SYNPR: variants seen among roughly 807,000 people sequenced by gnomAD.
The protein encoded by SYNPR is synaptoporin.
In SYNPR, 23 loss-of-function variants were observed where a neutral mutation model predicts 32.9. The observed-to-expected ratio is 0.70, with a 90% CI of 0.50 to 0.99. The LOEUF is 0.99. Among genes scored for constraint, SYNPR ranks in the 50% least tolerant of loss-of-function variants. The pLI, the probability that SYNPR is intolerant of heterozygous loss-of-function variation, is 0.00. For missense variants in SYNPR, 318 were observed against 349.3 expected (o/e 0.91, Z 0.71); for synonymous variants, 146 against 135.9 (o/e 1.07, Z -0.52).
At chr3:63,284,597 G>C (rs955881883) in intron 2 of SYNPR, among the ~76,000 whole-genome samples, 5 of 152,122 alleles carry the variant, frequency 3.3e-5, no homozygotes, top group Admixed American at 6.6e-5. Context: ...TGAGGTATAG[G>C]TCTACTTGAT....
At position 63,556,701 on chromosome 3, in the gene SYNPR, T is replaced by C. The variant is rs1043404578; in HGVS notation, c.368T>C (p.Phe123Ser). ...GCTGCCACTGTCGTTTACATTTTCTTCCAGAACAAATACCGGGAAAACAAC... is the reference window on the plus strand; with the variant it reads ...GCTGCCACTGTCGTTTACATTTTCTCCCAGAACAAATACCGGGAAAACAAC... ...SLAATVVYIF[F>S]QNKYRENNRG... is the part of the protein sequence containing the mutation. Residue 123 changes from phenylalanine to serine, a missense_variant, in exon 4 of 6, where the codon TTC (phenylalanine) becomes TCC (serine). Phe to Ser is a radical substitution (Grantham distance 155, BLOSUM62 -2). Coordinates refer to ENST00000478300, the MANE Select transcript of SYNPR (RefSeq NM_001130003.2). The C allele has an allele frequency of 6.2e-7, 1 of 1,613,798 alleles. No homozygotes were observed. Among genetic ancestry groups the C allele is most frequent in the African/African-American group, 1.3e-5 (1 of 75,040 alleles).
At chr3:63,463,963 T>C (rs577218925) in intron 2 of SYNPR, among the ~76,000 whole-genome samples, 5 of 152,342 alleles carry the variant, frequency 3.3e-5, no homozygotes, top group Middle Eastern at 3.4e-3. Flanking sequence ...AGATGCCTTT[T>C]TTCGTAACAT....
chr3:63,426,650 T>C (rs1699897318), intron 2 of SYNPR: 1 of 152,224 alleles, frequency 6.6e-6, no homozygotes, highest in Non-Finnish European at 1.5e-5. Context: ...AGTATGATAA[T>C]GATATGTTAA....
chr3:63,309,672 C>G (rs2086942767), intron 2 of SYNPR, among the ~76,000 whole-genome samples: 1 of 151,938 alleles, frequency 6.6e-6, no homozygotes, highest in Admixed American at 6.6e-5. Flanking sequence ...CCTGTGTGAG[C>G]ATCAGATATT....
intron 3 of SYNPR, among the ~76,000 whole-genome samples, chr3:63,502,744 A>C (rs910589724): frequency 1.3e-5 from 2 of 151,974 alleles, no homozygotes; most frequent in African/African-American, 4.8e-5. Context: ...TCTTTTTAGC[A>C]CTTAATAATA....
intron 2 of SYNPR, among the ~76,000 whole-genome samples, chr3:63,408,991 A>T (rs1354490371): frequency 6.6e-6 from 1 of 151,862 alleles, no homozygotes; most frequent in Admixed American, 6.6e-5. Flanking sequence ...ATAAGATCTT[A>T]AGTTCTTCTA....
intron 3 of SYNPR, among the ~76,000 whole-genome samples, chr3:63,268,476 C>T (rs951789720): frequency 1.3e-5 from 2 of 152,096 alleles, no homozygotes; most frequent in Non-Finnish European, 2.9e-5. Context: ...TTACCGGCAG[C>T]ATAAACAATC....
At chr3:63,351,181 T>C (rs916966120) in intron 2 of SYNPR, among the ~76,000 whole-genome samples, 10 of 152,244 alleles carry the variant, frequency 6.6e-5, no homozygotes, top group African/African-American at 2.4e-4. Context: ...CAATTGATCT[T>C]GGCCGATTTA....
chr3:63,261,530 C>A (rs1279752043), intron 2 of SYNPR, among the ~76,000 whole-genome samples: 8 of 128,824 alleles, frequency 6.2e-5, no homozygotes, highest in Non-Finnish European at 1.2e-4. Flanking sequence ...AACACATGGA[C>A]ACAGGAAGGG....
chr3:63,374,154 C>T (rs143550432), intron 2 of SYNPR, among the ~76,000 whole-genome samples: 1,621 of 152,262 alleles, frequency 0.011, 34 homozygotes, highest in African/African-American at 0.037. Context: ...TTTGCCCATT[C>T]AGTATGATGT....
At chr3:63,472,860 T>G (rs112782072) in intron 2 of SYNPR, among the ~76,000 whole-genome samples, 75 of 152,256 alleles carry the variant, frequency 4.9e-4, no homozygotes, top group African/African-American at 1.7e-3. Context: ...AAGAGTCAGA[T>G]AGTAAATATG....
intron 2 of SYNPR, among the ~76,000 whole-genome samples, chr3:63,373,411 C>T (rs2087845268): frequency 1.3e-5 from 2 of 152,098 alleles, no homozygotes; most frequent in South Asian, 4.2e-4. Context: ...CTGAAAAACA[C>T]ACCACAAAAA....
intron 2 of SYNPR, among the ~76,000 whole-genome samples, chr3:63,338,871 C>G (rs1192300588): frequency 6.6e-6 from 1 of 152,210 alleles, no homozygotes; most frequent in Non-Finnish European, 1.5e-5. Flanking sequence ...TACCTTGTCT[C>G]CTTCAACTCT....
intron 3 of SYNPR, among the ~76,000 whole-genome samples, chr3:63,509,117 T>TAC (rs1362282666): frequency 4.7e-4 from 71 of 151,596 alleles, no homozygotes; most frequent in African/African-American, 1.6e-3. Context: ...TATATATATA[T>TAC]ATACACACAC....
intron 2 of SYNPR, among the ~76,000 whole-genome samples, chr3:63,398,456 C>T (rs1455077030): frequency 6.6e-6 from 1 of 152,014 alleles, no homozygotes; most frequent in Non-Finnish European, 1.5e-5. Flanking sequence ...CGCGGTGGCT[C>T]ACGCCTGTAA....
chr3:63,252,977 T>G (rs1171207530), intron 2 of SYNPR, among the ~76,000 whole-genome samples: 2 of 150,052 alleles, frequency 1.3e-5, no homozygotes, highest in African/African-American at 4.9e-5. Flanking sequence ...AGGTGGAGGT[T>G]GCAGTGAGCT....
intron 4 of SYNPR, among the ~76,000 whole-genome samples, chr3:63,585,165 C>T (rs59638000): frequency 0.14 from 20,879 of 152,138 alleles, 1,954 homozygotes; most frequent in South Asian, 0.34. Flanking sequence ...ATGTGAAATT[C>T]TAACAGTTAT....
intron 2 of SYNPR, among the ~76,000 whole-genome samples, chr3:63,434,984 C>T (rs1373670566): frequency 1.3e-5 from 2 of 152,144 alleles, no homozygotes; most frequent in Non-Finnish European, 2.9e-5. Context: ...ATGGTGGGAC[C>T]ACTTTTAATC....
chr3:63,247,884 G>T (rs1164090874), intron 1 of SYNPR, among the ~76,000 whole-genome samples: 2 of 152,154 alleles, frequency 1.3e-5, no homozygotes, highest in African/African-American at 4.8e-5. Flanking sequence ...TTTCCATCAT[G>T]AAGAGAATGT....
Sources: allele counts gnomAD v4.1 joint callset (sites outside exome capture counted in the v4.1 genomes callset), GRCh38; gene constraint gnomAD v4.1.1; transcripts MANE v1.5; gene names NCBI Gene and HGNC (gene_info 2026-07-23, HGNC 2026-07-21).